Variants in CAST observed in about 807,000 individuals in gnomAD.
CAST encodes MIR583 host.
Under a neutral mutation model 119.6 loss-of-function variants are expected in CAST, and 76 were observed. That is an observed-to-expected ratio of 0.64 (90% CI 0.53 to 0.77). The LOEUF (loss-of-function observed/expected upper bound fraction) is 0.77, where lower values mean the gene tolerates loss of function less well. Among genes scored for constraint, CAST ranks in the 30% least tolerant of loss-of-function variants. The pLI is 0.00. For missense variants in CAST, 953 were observed against 946.5 expected, an observed-to-expected ratio of 1.01 and a Z score of -0.09; for synonymous variants, 319 against 331.6, an observed-to-expected ratio of 0.96 and a Z score of 0.41.
In CAST at chr5:96,747,394, T is replaced by C; in HGVS notation, c.1332+2T>C. On this transcript the variant is annotated splice_donor_variant, in intron 18 of 31. Coordinates refer to ENST00000675179, the MANE Select transcript of CAST (RefSeq NM_001750.7). LOFTEE classifies it high-confidence loss of function. ...CCAGAGCCTGAAGAAAAACCCAAGG[T>C]TAGGAAATACATTTTTTTCTGATAC... The C allele has an allele frequency of 6.4e-7, 1 of 1,565,764 alleles. No individual in the cohort carries two copies. The highest frequency in any genetic ancestry group is 8.8e-7 in the Non-Finnish European group (1 of 1,137,218).
chr5:96,227,073 A>G, the CAST span, among the ~76,000 whole-genome samples: 2 of 152,112 alleles, frequency 1.3e-5, no homozygotes, highest in Non-Finnish European at 2.9e-5. Context: ...GGCTTCCAGG[A>G]TCTTCTTGTG....
At chr5:96,619,537 G>A (rs962786115) in intron 1 of CAST, among the ~76,000 whole-genome samples, 2 of 152,192 alleles carry the variant, frequency 1.3e-5, no homozygotes, top group African/African-American at 4.8e-5. Context: ...CCACAGTGTG[G>A]TAGCTTTGTT....
intron 2 of CAST, among the ~76,000 whole-genome samples, chr5:96,685,322 T>C (rs1173470067): frequency 6.6e-6 from 1 of 152,160 alleles, no homozygotes; most frequent in Non-Finnish European, 1.5e-5. Context: ...AATAACATGT[T>C]TAAAGTTAAC....
Position 96,594,759 on chromosome 5 carries a change from T to C in CAST, c.60+64879T>C, listed in dbSNP as rs550870474. Reference sequence around the variant, plus strand: ...CACCGGCTATGATATTATAGTAAACTCTGTTTTTGTTTTCTATGCACCACA... The same window carrying C: ...CACCGGCTATGATATTATAGTAAACCCTGTTTTTGTTTTCTATGCACCACA... On this transcript the variant is annotated intron_variant, in intron 1 of 11. Transcript: ENST00000505143. Among the ~76,000 whole-genome samples, 4 of 152,298 alleles carry C rather than the reference T, an allele frequency of 2.6e-5. No individual in the cohort carries two copies. In the South Asian group the frequency reaches 8.3e-4, roughly 32 times the overall value.
chr5:96,481,160 C>T, the CAST span, among the ~76,000 whole-genome samples: 5 of 151,396 alleles, frequency 3.3e-5, no homozygotes, highest in African/African-American at 2.4e-5. Context: ...ATCACTAACA[C>T]TCACTCATCA....
At chr5:96,397,379 C>T in the CAST span, 1 of 1,612,256 alleles carries the variant, frequency 6.2e-7, no homozygotes, top group Non-Finnish European at 8.5e-7. Flanking sequence ...AGGGTTCTCT[C>T]CCCATGTGTG....
the CAST span, among the ~76,000 whole-genome samples, chr5:96,052,367 A>C: frequency 6.6e-6 from 1 of 152,172 alleles, no homozygotes; most frequent in African/African-American, 2.4e-5. Context: ...TCAGAAAGTG[A>C]TGAGTACAAG....
the CAST span, among the ~76,000 whole-genome samples, chr5:96,121,722 T>C: frequency 3.3e-5 from 5 of 152,064 alleles, no homozygotes; most frequent in Admixed American, 2.6e-4. Flanking sequence ...ATAGGAAAAT[T>C]TGTGTGTGCT....
the CAST span, among the ~76,000 whole-genome samples, chr5:96,218,809 A>T: frequency 6.6e-6 from 1 of 152,220 alleles, no homozygotes; most frequent in African/African-American, 2.4e-5. Context: ...GACACTAGAG[A>T]GAGGCACAGC....
chr5:96,762,584 G>A, intron 25 of CAST: 1 of 458,796 alleles, frequency 2.2e-6, no homozygotes, highest in Non-Finnish European at 3.9e-6. Flanking sequence ...TGAAAACATT[G>A]TACACATAGT....
At chr5:96,181,311 C>T in the CAST span, among the ~76,000 whole-genome samples, 4 of 152,194 alleles carry the variant, frequency 2.6e-5, no homozygotes, top group Non-Finnish European at 4.4e-5. Flanking sequence ...TGCAATCTTC[C>T]TTCCCGGGGT....
chr5:96,018,708 T>C, the CAST span, among the ~76,000 whole-genome samples: 1 of 152,204 alleles, frequency 6.6e-6, no homozygotes. Context: ...CCCACTCCTG[T>C]TTCCTGAAAT....
the CAST span, among the ~76,000 whole-genome samples, chr5:96,101,747 G>A: frequency 2.6e-5 from 4 of 152,194 alleles, no homozygotes; most frequent in Admixed American, 2.6e-4. Context: ...AGGAGTTCAA[G>A]ACCAGCCTGA....
the CAST span, among the ~76,000 whole-genome samples, chr5:96,494,959 T>C: frequency 3.3e-5 from 5 of 151,362 alleles, no homozygotes; most frequent in African/African-American, 4.9e-5. Flanking sequence ...CTACTAAAAA[T>C]ACAAAAAAAT....
At chr5:96,608,616 GCAATCTCA>G (rs1747301808) in intron 1 of CAST, among the ~76,000 whole-genome samples, 1 of 152,092 alleles carries the variant, frequency 6.6e-6, no homozygotes, top group Non-Finnish European at 1.5e-5. Context: ...TGCAAAAACT[GCAATCTCA>G]CATAAAGGCC....
chr5:96,322,917 G>A, the CAST span, among the ~76,000 whole-genome samples: 1 of 152,080 alleles, frequency 6.6e-6, no homozygotes, highest in East Asian at 1.9e-4. Context: ...AGTATGGTGG[G>A]CTTATAAGGA....
intron 1 of CAST, among the ~76,000 whole-genome samples, chr5:96,589,204 A>G (rs1746919272): frequency 6.6e-6 from 1 of 152,212 alleles, no homozygotes; most frequent in African/African-American, 2.4e-5. Context: ...GGTCCAACTG[A>G]TGCTCATATT....
At chr5:96,675,826 A>G (rs1309531745) in intron 2 of CAST, 2 of 428,110 alleles carry the variant, frequency 4.7e-6, no homozygotes, top group Non-Finnish European at 8.2e-6. Flanking sequence ...CCCTTTAGTA[A>G]TAGAACTTTG....
intron 1 of CAST, among the ~76,000 whole-genome samples, chr5:96,648,332 G>T (rs924807432): frequency 2.0e-5 from 3 of 152,142 alleles, no homozygotes; most frequent in Non-Finnish European, 4.4e-5. Context: ...GCAAGACTGT[G>T]AATGCTTTAT....
Sources: gnomAD v4.1 joint callset for allele counts (sites outside exome capture counted in the v4.1 genomes callset) on GRCh38, gnomAD v4.1.1 for gene constraint, MANE v1.5 for transcripts, NCBI Gene and HGNC (gene_info 2026-07-23, HGNC 2026-07-21) for gene names.